Variants in HEPHL1 observed in about 807,000 individuals in gnomAD.
The protein encoded by HEPHL1 is hephaestin like 1, also known as ferroxidase HEPHL1.
HEPHL1 carries 123 observed loss-of-function variants against 122.0 expected under a neutral mutation model. The ratio of observed to expected loss-of-function variants is 1.01; its 90% CI spans 0.87 to 1.17. HEPHL1 has a LOEUF of 1.17. Among genes scored for constraint, HEPHL1 ranks in the 50% most tolerant of loss-of-function variants. The pLI is 0.00. For missense variants in HEPHL1, 1,452 were observed against 1,430.5 expected (o/e 1.01, Z -0.24); for synonymous variants, 527 against 508.9 (o/e 1.04, Z -0.48).
intron 9 of HEPHL1, among the ~76,000 whole-genome samples, chr11:94,076,478 A>G (rs1459721794): frequency 2.6e-5 from 4 of 152,124 alleles, no homozygotes. Context: ...TTTGAAAGGT[A>G]GTGCTAATTT....
chr11:94,036,874 G>A, intron 1 of HEPHL1, among the ~76,000 whole-genome samples: 1 of 151,512 alleles, frequency 6.6e-6, no homozygotes. Flanking sequence ...AGCCAAGATG[G>A]CCGAATAGGA....
chr11:94,060,004 T>C (rs1393519772), intron 2 of HEPHL1, among the ~76,000 whole-genome samples: 1 of 151,420 alleles, frequency 6.6e-6, no homozygotes, highest in African/African-American at 2.4e-5. Flanking sequence ...AATCTCTCCA[T>C]ATAGAAAAGA....
intron 1 of HEPHL1, among the ~76,000 whole-genome samples, chr11:94,025,725 A>G (rs1038769963): frequency 5.9e-5 from 9 of 152,198 alleles, no homozygotes; most frequent in African/African-American, 2.2e-4. Flanking sequence ...TCACACATCT[A>G]TCTGAAAGAA....
At chr11:94,037,221 C>T (rs1485993452) in intron 1 of HEPHL1, among the ~76,000 whole-genome samples, 1 of 151,976 alleles carries the variant, frequency 6.6e-6, no homozygotes, top group Non-Finnish European at 1.5e-5. Flanking sequence ...GGGTCCTACG[C>T]CCACGGAGTC....
At chr11:94,022,237 G>C (rs1423415899) in intron 1 of HEPHL1, among the ~76,000 whole-genome samples, 2 of 152,174 alleles carry the variant, frequency 1.3e-5, no homozygotes, top group African/African-American at 2.4e-5. Flanking sequence ...CCAGGGCCTA[G>C]TATCTTAACC....
Position 94,064,797 on chromosome 11 carries a change from G to A in HEPHL1, c.808+287G>A, listed in dbSNP as rs372447039. Reference sequence around the variant, plus strand: ...GTTATATTGTAATTGGAAAAGAATCGGTGCCTGAGGTGAGCCCAGAGCATG... The same window carrying A: ...GTTATATTGTAATTGGAAAAGAATCAGTGCCTGAGGTGAGCCCAGAGCATG... On this transcript the variant is annotated intron_variant, in intron 4 of 19. Transcript: ENST00000315765. Among the ~76,000 whole-genome samples the A allele has an allele frequency of 2.0e-5, 3 of 152,136 alleles. No homozygotes were observed. In the East Asian group the frequency reaches 5.8e-4, roughly 29 times the overall value.
chr11:94,037,557 G>A (rs1043059843), intron 1 of HEPHL1, among the ~76,000 whole-genome samples: 12 of 152,142 alleles, frequency 7.9e-5, no homozygotes, highest in African/African-American at 2.9e-4. Flanking sequence ...GTGGGTCCCT[G>A]ACCCCTGACC....
At chr11:94,106,299 T>TC (rs1450696908) in intron 17 of HEPHL1, among the ~76,000 whole-genome samples, 169 bp downstream of exon 17, 1 of 150,488 alleles carries the variant, frequency 6.6e-6, no homozygotes, top group African/African-American at 2.4e-5. Flanking sequence ...TTTTCTTTTT[T>TC]TTTTTTTTTT....
At chr11:94,049,942 C>A (rs977661760) in intron 2 of HEPHL1, among the ~76,000 whole-genome samples, 5 of 152,136 alleles carry the variant, frequency 3.3e-5, no homozygotes, top group Non-Finnish European at 7.4e-5. Flanking sequence ...ATTCCATGTG[C>A]ATTTAAAAAC....
At chr11:94,068,637 C>G (rs768929425) in intron 5 of HEPHL1, among the ~76,000 whole-genome samples, 1 of 152,134 alleles carries the variant, frequency 6.6e-6, no homozygotes, top group Non-Finnish European at 1.5e-5. Context: ...TGATCCTTAG[C>G]TCTTTTGGCA....
chr11:94,071,136 A>G (rs1377496049), intron 6 of HEPHL1, among the ~76,000 whole-genome samples: 2 of 152,174 alleles, frequency 1.3e-5, no homozygotes, highest in African/African-American at 4.8e-5. Flanking sequence ...ATACTATTTA[A>G]AAAATTAATC....
At chr11:94,058,426 C>T (rs770887174) in intron 2 of HEPHL1, among the ~76,000 whole-genome samples, 16 of 152,130 alleles carry the variant, frequency 1.1e-4, no homozygotes, top group Non-Finnish European at 1.9e-4. Flanking sequence ...CTTAATTCAA[C>T]TTAGTGTTTG....
chr11:94,099,577 C>A (rs1946350192), intron 13 of HEPHL1, among the ~76,000 whole-genome samples: 1 of 152,248 alleles, frequency 6.6e-6, no homozygotes, highest in Non-Finnish European at 1.5e-5. Flanking sequence ...GAGGTTTCTG[C>A]TGCCTTTTGT....
At chr11:94,063,803 A>G in intron 3 of HEPHL1, 83 bp downstream of exon 3, 1 of 1,148,852 alleles carries the variant, frequency 8.7e-7, no homozygotes, top group Non-Finnish European at 1.3e-6. Flanking sequence ...CCTTTGCTCC[A>G]CACAGAATGT....
chr11:94,025,671 G>T (rs1945618430), intron 1 of HEPHL1, among the ~76,000 whole-genome samples: 1 of 152,144 alleles, frequency 6.6e-6, no homozygotes, highest in East Asian at 1.9e-4. Context: ...AAGGGGCTTT[G>T]AGTATTCTAA....
intron 2 of HEPHL1, among the ~76,000 whole-genome samples, chr11:94,058,764 C>T (rs2134423926): frequency 6.6e-6 from 1 of 152,054 alleles, no homozygotes; most frequent in Middle Eastern, 3.4e-3. Context: ...TGGGGTCTCG[C>T]TATGTTGCCT....
intron 1 of HEPHL1, among the ~76,000 whole-genome samples, chr11:94,029,841 C>T (rs936168044): frequency 6.6e-6 from 1 of 152,218 alleles, no homozygotes; most frequent in African/African-American, 2.4e-5. Context: ...CCTCCTGATA[C>T]TTATTTTGCC....
chr11:94,064,022 C>G (rs1347633818), intron 3 of HEPHL1, among the ~76,000 whole-genome samples: 1 of 152,166 alleles, frequency 6.6e-6, no homozygotes, highest in Non-Finnish European at 1.5e-5. Context: ...CATTATTTCA[C>G]CCAAATAATC....
At chr11:94,071,597 A>G (rs932014015) in intron 6 of HEPHL1, among the ~76,000 whole-genome samples, 1 of 152,188 alleles carries the variant, frequency 6.6e-6, no homozygotes, top group African/African-American at 2.4e-5. Context: ...GATATATGAA[A>G]GCACAAAGTG....
Sources: allele counts gnomAD v4.1 joint callset (sites outside exome capture counted in the v4.1 genomes callset), GRCh38; gene constraint gnomAD v4.1.1; transcripts MANE v1.5; gene names NCBI Gene and HGNC (gene_info 2026-07-23, HGNC 2026-07-21).